FAM135B: variants seen among roughly 807,000 people sequenced by gnomAD.
The protein encoded by FAM135B is family with sequence similarity 135 member B, also known as protein FAM135B.
In FAM135B, 43 loss-of-function variants were observed where a neutral mutation model predicts 127.7. The observed-to-expected ratio is 0.34, with a 90% CI of 0.26 to 0.43. The LOEUF is 0.43. Among genes scored for constraint, FAM135B ranks in the 20% least tolerant of loss-of-function variants. FAM135B has a pLI of 1.00. For missense variants in FAM135B, 1,558 were observed against 1,725.6 expected, an observed-to-expected ratio of 0.90 and a Z score of 1.72; for synonymous variants, 670 against 665.1, an observed-to-expected ratio of 1.01 and a Z score of -0.11.
intron 1 of FAM135B, among the ~76,000 whole-genome samples, chr8:138,482,469 C>T (rs1000781391): frequency 6.6e-6 from 1 of 152,118 alleles, no homozygotes; most frequent in Non-Finnish European, 1.5e-5. Context: ...CGGTTAATTG[C>T]TCTGTTGTTA....
chr8:138,410,720 G>T (rs1237996020), intron 1 of FAM135B, among the ~76,000 whole-genome samples: 2 of 152,172 alleles, frequency 1.3e-5, no homozygotes, highest in Non-Finnish European at 2.9e-5. Flanking sequence ...GTGGAAAGCG[G>T]TTGGAGATTT....
At chr8:138,364,825 T>G (rs1199592471) in intron 2 of FAM135B, among the ~76,000 whole-genome samples, 2 of 152,112 alleles carry the variant, frequency 1.3e-5, no homozygotes, top group African/African-American at 4.8e-5. Flanking sequence ...AATAGATATT[T>G]TATATATTAA....
intron 1 of FAM135B, among the ~76,000 whole-genome samples, chr8:138,493,410 G>A (rs891078849): frequency 1.3e-5 from 2 of 152,082 alleles, no homozygotes; most frequent in Non-Finnish European, 2.9e-5. Flanking sequence ...ACAGGGAGGA[G>A]ACTCATTTGG....
intron 12 of FAM135B, among the ~76,000 whole-genome samples, chr8:138,167,558 TAAGAAAGA>T (rs1004107893): frequency 6.6e-6 from 1 of 152,172 alleles, no homozygotes; most frequent in Non-Finnish European, 1.5e-5. Flanking sequence ...ACATTTGAGA[TAAGAAAGA>T]ATCTTCATCT....
rs1054536439 is a variant in FAM135B, at chr8:138,241,305, G to T, written c.669+1637C>A. On this transcript the variant is annotated intron_variant, in intron 7 of 19. Transcript: ENST00000395297. The surrounding 1 kb of genome is among the most constrained non-coding windows in gnomAD (Gnocchi z 4.8). ...GACGTCAGGTTCTGAGAAGCTCAGT[G>T]GTTGACTGAAGTTCTGCATCTACAA... Among the ~76,000 whole-genome samples, 1 of 152,160 alleles carries T rather than the reference G, an allele frequency of 6.6e-6. No individual in the cohort carries two copies. The highest frequency in any genetic ancestry group is 1.9e-4 in the East Asian group (1 of 5,180).
intron 2 of FAM135B, chr8:138,367,252 T>A: frequency 2.7e-6 from 1 of 368,272 alleles, no homozygotes; most frequent in Non-Finnish European, 5.4e-6. Flanking sequence ...ATGTCAAAAG[T>A]AGTAGCAATC....
At chr8:138,349,132 C>A (rs1301560698) in intron 2 of FAM135B, among the ~76,000 whole-genome samples, 1 of 152,232 alleles carries the variant, frequency 6.6e-6, no homozygotes. Flanking sequence ...TTCCAGGAAA[C>A]CCCCTTCAGT....
chr8:138,219,840 A>G (rs1370765684), intron 7 of FAM135B, among the ~76,000 whole-genome samples: 1 of 152,178 alleles, frequency 6.6e-6, no homozygotes, highest in Non-Finnish European at 1.5e-5. Flanking sequence ...GTTCTGGTAG[A>G]AACAGAAACA....
chr8:138,280,424 G>A (rs1824174564), intron 3 of FAM135B, among the ~76,000 whole-genome samples: 1 of 151,990 alleles, frequency 6.6e-6, no homozygotes, highest in African/African-American at 2.4e-5. Context: ...CAACCACCAA[G>A]TTTGCTGTTT....
chr8:138,259,407 T>C (rs778489554), intron 4 of FAM135B, among the ~76,000 whole-genome samples: 19 of 152,226 alleles, frequency 1.2e-4, no homozygotes, highest in Non-Finnish European at 2.5e-4. Context: ...TGTTGTTTTC[T>C]CATCCATAAA....
In FAM135B at chr8:138,195,246, T is replaced by C. The variant is rs760495060; in HGVS notation, c.873+12A>G. On this transcript the variant is annotated intron_variant, in intron 9 of 19. Coordinates refer to ENST00000395297, the MANE Select transcript of FAM135B (RefSeq NM_015912.4). The stretch of plus-strand genomic sequence containing the variant: ...CCATTCATTCAGACCCCAGCGCCAG[T>C]TCTCCAATTACCTGTAGCTCTGAGC... The C allele has an allele frequency of 6.2e-7, 1 of 1,612,956 alleles. No individual in the cohort carries two copies. Among genetic ancestry groups the C allele is most frequent in the Non-Finnish European group, 8.5e-7 (1 of 1,179,454 alleles).
chr8:138,452,926 G>C (rs1836576573), intron 1 of FAM135B, among the ~76,000 whole-genome samples: 1 of 152,184 alleles, frequency 6.6e-6, no homozygotes, highest in Admixed American at 6.5e-5. Context: ...AATGATCCAA[G>C]AGAAGAAGGA....
intron 9 of FAM135B, among the ~76,000 whole-genome samples, chr8:138,184,601 A>T (rs1178319899): frequency 6.6e-6 from 1 of 152,146 alleles, no homozygotes. Context: ...ATTGCTGCCA[A>T]GGCCCCTGGA....
chr8:138,141,314 C>T lies in FAM135B; in HGVS notation c.3674G>A (p.Arg1225Gln), dbSNP rs1382142089. ...GAACCGGGGCCGTGTGAGGACCGATCGGATGATGATGTTGCCAAGAGAATG... is the reference window on the plus strand; with the variant it reads ...GAACCGGGGCCGTGTGAGGACCGATTGGATGATGATGTTGCCAAGAGAATG... ...IGHSLGNIIIRSVLTRPRFRY... is the reference protein window; with the variant it reads ...IGHSLGNIIIQSVLTRPRFRY... The change falls in exon 17 of 20, where the codon CGA (arginine) becomes CAA (glutamine). Residue 1225 changes from arginine (R) to glutamine (Q), a missense_variant. Around this residue, in one of 5 missense-constraint regions of FAM135B, gnomAD observed 194 missense variants for 333.8 expected, o/e 0.58. Coordinates refer to ENST00000395297, the MANE Select transcript of FAM135B (RefSeq NM_015912.4). The surrounding 1 kb of genome is among the most constrained non-coding windows in gnomAD (Gnocchi z 4.7). 1.9e-6 allele frequency: 3 copies of T among 1,613,904 alleles called. No homozygotes were observed. Among genetic ancestry groups the T allele is most frequent in the African/African-American group, 2.7e-5 (2 of 74,880 alleles).
intron 1 of FAM135B, 37 bp from the exon 2 acceptor site, chr8:138,368,039 C>T (rs16908960): frequency 0.024 from 34,585 of 1,453,106 alleles, 1,246 homozygotes; most frequent in East Asian, 0.17. Flanking sequence ...TTTGAGATCA[C>T]ATCAGCCACT....
At chr8:138,408,888 A>T (rs141759234) in intron 1 of FAM135B, among the ~76,000 whole-genome samples, 3 of 152,282 alleles carry the variant, frequency 2.0e-5, no homozygotes, top group Non-Finnish European at 4.4e-5. Context: ...GAGCCAAAAC[A>T]TATCAGGAAT....
At chr8:138,419,152 T>C (rs1295500640) in intron 1 of FAM135B, among the ~76,000 whole-genome samples, 2 of 151,918 alleles carry the variant, frequency 1.3e-5, no homozygotes, top group African/African-American at 4.8e-5. Flanking sequence ...AGTGAAGAAA[T>C]GGAGAAAGAT....
intron 3 of FAM135B, among the ~76,000 whole-genome samples, chr8:138,290,233 G>A (rs1354708342): frequency 5.3e-5 from 8 of 152,170 alleles, no homozygotes; most frequent in Non-Finnish European, 1.0e-4. Flanking sequence ...TGCGGTCGGA[G>A]ATATCTGTTA....
chr8:138,418,554 T>C (rs1476517102), intron 1 of FAM135B, among the ~76,000 whole-genome samples: 1 of 147,642 alleles, frequency 6.8e-6, no homozygotes, highest in Non-Finnish European at 1.5e-5. Flanking sequence ...AGAGAAGAGG[T>C]AGATAATGTA....
Sources: allele counts gnomAD v4.1 joint callset (sites outside exome capture counted in the v4.1 genomes callset), GRCh38; gene constraint gnomAD v4.1.1; regional missense constraint gnomAD v4.1.1; non-coding constraint Gnocchi (gnomAD v3.1); transcripts MANE v1.5; gene names NCBI Gene and HGNC (gene_info 2026-07-23, HGNC 2026-07-21).